Variants in ZNF536 observed in about 807,000 individuals in gnomAD.
ZNF536 encodes zinc finger protein 536.
Under a neutral mutation model 84.5 loss-of-function variants are expected in ZNF536, and 13 were observed. The observed-to-expected ratio is 0.15, with a 90% CI of 0.10 to 0.24. The LOEUF is 0.24. ZNF536 is among the 10% of genes least tolerant of loss of function. The pLI, the probability that ZNF536 is intolerant of heterozygous loss-of-function variation, is 1.00. For synonymous variants in ZNF536, 811 were observed against 742.5 expected, an observed-to-expected ratio of 1.09 and a Z score of -1.50; for missense variants, 1,536 against 1,747.5, an observed-to-expected ratio of 0.88 and a Z score of 2.16.
At chr19:30,281,824 T>A (rs2045456104) in intron 1 of ZNF536, among the ~76,000 whole-genome samples, 1 of 152,138 alleles carries the variant, frequency 6.6e-6, no homozygotes, top group Admixed American at 6.5e-5. Context: ...AATCTTCCCC[T>A]TCCCACCCCT....
At chr19:30,310,757 C>T (rs2046474054) in intron 2 of ZNF536, among the ~76,000 whole-genome samples, 1 of 152,222 alleles carries the variant, frequency 6.6e-6, no homozygotes, top group South Asian at 2.1e-4. Context: ...CAGCCATTCT[C>T]AGACCATTGC....
chr19:30,607,233 G>A (rs1268870263), intron 1 of ZNF536, among the ~76,000 whole-genome samples: 1 of 152,040 alleles, frequency 6.6e-6, no homozygotes, highest in Non-Finnish European at 1.5e-5. Context: ...GCTGTAACTT[G>A]CTTTCAAATG....
In ZNF536 at chr19:30,465,217, AGCATTGCCTGCT is replaced by A. The variant is rs2053331844; in HGVS notation, c.2170+19488_2170+19499del. 1.3e-5 allele frequency among the ~76,000 whole-genome samples: 2 copies of A among 152,120 alleles called. 1 individual carries two copies. Among genetic ancestry groups the A allele is most frequent in the South Asian group, 4.1e-4 (2 of 4,822 alleles). On this transcript the variant is annotated intron_variant, in intron 2 of 4. Transcript: ENST00000355537. ...CTGAAGCCAGCCCTGTAGTGGCCTC[AGCATTGCCTGCT>A]GCTCTCTCAGGCCTGCTCTCCCCGC...
intron 2 of ZNF536, among the ~76,000 whole-genome samples, chr19:30,318,382 G>A (rs2046749320): frequency 6.6e-6 from 1 of 152,254 alleles, no homozygotes; most frequent in South Asian, 2.1e-4. Flanking sequence ...ACGTAGGTCT[G>A]AAAAGAGCCA....
At chr19:30,435,066 GTGATA>G (rs1178774073) in intron 1 of ZNF536, among the ~76,000 whole-genome samples, 1 of 147,684 alleles carries the variant, frequency 6.8e-6, no homozygotes, top group African/African-American at 2.5e-5. Flanking sequence ...GCTGATGATG[GTGATA>G]ATGCTGGTGA....
chr19:30,453,303 C>G (rs1057087179), intron 2 of ZNF536, among the ~76,000 whole-genome samples: 11 of 152,174 alleles, frequency 7.2e-5, no homozygotes, highest in Non-Finnish European at 1.6e-4. Context: ...GTAGATAAGA[C>G]AGGTCTACCT....
intron 1 of ZNF536, among the ~76,000 whole-genome samples, chr19:30,263,689 CAAG>C (rs1288141919): frequency 6.6e-6 from 1 of 152,146 alleles, no homozygotes; most frequent in Non-Finnish European, 1.5e-5. Context: ...CATTCTGTTG[CAAG>C]AAGAAGTTAA....
intron 2 of ZNF536, among the ~76,000 whole-genome samples, chr19:30,348,965 A>T (rs2047841219): frequency 6.6e-6 from 1 of 152,130 alleles, no homozygotes; most frequent in Admixed American, 6.5e-5. Context: ...ATTCCTGGCA[A>T]TCGTAATAAT....
In ZNF536 at chr19:30,365,931, T is replaced by TA. The variant is rs560384122; in HGVS notation, c.-3+13455dup. On this transcript the variant is annotated intron_variant, in intron 3 of 5. Coordinates refer to the ZNF536 transcript ENST00000585628. The stretch of plus-strand genomic sequence containing the variant: ...AATAATTATATAAGCCTTCATTTTT[T>TA]AAAAAAAATAGGAGTTTCTCTATGT... Among the ~76,000 whole-genome samples the TA allele has an allele frequency of 7.1e-4, 108 of 152,150 alleles. 1 individual carries two copies. The highest frequency in any genetic ancestry group is 1.1e-3 in the Non-Finnish European group (78 of 67,966).
intron 1 of ZNF536, among the ~76,000 whole-genome samples, chr19:30,240,018 A>G (rs1359400455): frequency 2.6e-5 from 4 of 152,060 alleles, no homozygotes; most frequent in African/African-American, 9.7e-5. Context: ...CCTACTTATC[A>G]TTTGTGAGTT....
chr19:30,296,753 G>A (rs1373036699), intron 2 of ZNF536, among the ~76,000 whole-genome samples: 2 of 152,202 alleles, frequency 1.3e-5, no homozygotes, highest in African/African-American at 2.4e-5. Context: ...CAGAGGCTGC[G>A]AGCCTTCTGG....
chr19:30,393,099 T>G (rs1410124298), intron 1 of ZNF536, among the ~76,000 whole-genome samples: 2 of 152,180 alleles, frequency 1.3e-5, no homozygotes, highest in Non-Finnish European at 1.5e-5. Context: ...GAGTCCAAGA[T>G]GCTGAGGAAC....
intron 1 of ZNF536, among the ~76,000 whole-genome samples, chr19:30,390,649 C>T (rs929039975): frequency 6.6e-6 from 1 of 152,176 alleles, no homozygotes; most frequent in African/African-American, 2.4e-5. Context: ...CCAAATCTAT[C>T]GGAGCCTGGA....
intron 4 of ZNF536, among the ~76,000 whole-genome samples, chr19:30,551,175 G>A (rs924108906): frequency 3.4e-5 from 5 of 148,572 alleles, no homozygotes; most frequent in East Asian, 2.0e-4. Flanking sequence ...AACTACCTAC[G>A]TAGGACCATA....
intron 1 of ZNF536, among the ~76,000 whole-genome samples, chr19:30,261,201 G>A (rs2025194441): frequency 6.7e-6 from 1 of 148,596 alleles, no homozygotes; most frequent in African/African-American, 2.5e-5. Flanking sequence ...GGGAGGCTGA[G>A]GCAGGAGAAT....
intron 3 of ZNF536, among the ~76,000 whole-genome samples, chr19:30,543,238 G>T (rs926272828): frequency 1.3e-5 from 2 of 152,254 alleles, no homozygotes; most frequent in African/African-American, 4.8e-5. Context: ...CTGCATGCAA[G>T]TGTGTGGCAC....
intron 3 of ZNF536, among the ~76,000 whole-genome samples, chr19:30,354,790 C>T (rs1331040884): frequency 6.6e-6 from 1 of 152,200 alleles, no homozygotes; most frequent in Non-Finnish European, 1.5e-5. Context: ...CATGTGAGCA[C>T]CATCCTCCCT....
intron 1 of ZNF536, among the ~76,000 whole-genome samples, chr19:30,607,852 G>A (rs537038980): frequency 3.9e-5 from 6 of 152,034 alleles, no homozygotes; most frequent in African/African-American, 1.2e-4. Flanking sequence ...TCATACAATA[G>A]GTATTTTCTG....
At chr19:30,640,508 A>G (rs966134377) in intron 1 of ZNF536, among the ~76,000 whole-genome samples, 3 of 152,190 alleles carry the variant, frequency 2.0e-5, no homozygotes, top group African/African-American at 7.2e-5. Context: ...CTGGGGAAGA[A>G]GATTATCTCC....
Sources: gnomAD v4.1 joint callset for allele counts (sites outside exome capture counted in the v4.1 genomes callset) on GRCh38, gnomAD v4.1.1 for gene constraint, MANE v1.5 for transcripts, NCBI Gene and HGNC (gene_info 2026-07-23, HGNC 2026-07-21) for gene names.